Variants in DPP7 observed in about 807,000 individuals in gnomAD.
The protein encoded by DPP7 is dipeptidyl peptidase 2.
In DPP7, 74 loss-of-function variants were observed where a neutral mutation model predicts 58.8. That is an observed-to-expected ratio of 1.26 (90% confidence interval 1.04 to 1.53). The LOEUF (loss-of-function observed/expected upper bound fraction) is 1.53. Among genes scored for constraint, DPP7 ranks in the 40% most tolerant of loss-of-function variants. The probability of loss-of-function intolerance (pLI) is 0.00; values close to 1 mark genes in which losing one functional copy is unlikely to be tolerated. For missense variants in DPP7, 807 were observed against 692.3 expected, an observed-to-expected ratio of 1.17 and a Z score of -1.86; for synonymous variants, 350 against 303.6, an observed-to-expected ratio of 1.15 and a Z score of -1.59.
intron 12 of DPP7, 43 bp downstream of exon 12, chr9:137,110,837 C>T: frequency 6.2e-7 from 1 of 1,602,162 alleles, no homozygotes; most frequent in Non-Finnish European, 8.5e-7. Flanking sequence ...GTGAGCCTGT[C>T]CCGCCCGACC....
chr9:137,113,094 G>A lies in DPP7; in HGVS notation c.729C>T (p.Phe243=), dbSNP rs141137828. Residue 243 remains phenylalanine (F), a synonymous_variant, in exon 7 of 13, where the codon TTC becomes TTT. Transcript: ENST00000371579. ...QGAYDTVRWE[F]GTCQPLSDEK... The stretch of plus-strand genomic sequence containing the variant: ...CGTCTGACAGCGGCTGGCAGGTGCC[G>A]AACTCCCAGCGGACCGTGTCGTAGG... 14 of 1,613,630 alleles carry A rather than the reference G, an allele frequency of 8.7e-6. No homozygotes were observed. Among genetic ancestry groups the A allele is most frequent in the East Asian group, 6.7e-5 (3 of 44,886 alleles).
At chr9:137,111,430 C>T (rs998405545) in intron 11 of DPP7, among the ~76,000 whole-genome samples, 2 of 152,220 alleles carry the variant, frequency 1.3e-5, no homozygotes, top group Non-Finnish European at 2.9e-5. Context: ...CGGGGAAGAT[C>T]GTTTGAGCCC....
In DPP7 at chr9:137,113,056, G is replaced by A. The variant is rs774354079; in HGVS notation, c.767C>T (p.Thr256Ile). 28 of 1,613,808 alleles carry A rather than the reference G, an allele frequency of 1.7e-5. No individual in the cohort carries two copies. The highest frequency in any genetic ancestry group is 2.0e-5 in the Non-Finnish European group (24 of 1,180,036). Residue 256 changes from threonine (T) to isoleucine (I), a missense_variant, in exon 7 of 13, where the codon ACC becomes ATC. Physicochemically the swap from Thr to Ile is moderately conservative, Grantham distance 89 (BLOSUM62 -1). Around this residue, in one of 3 missense-constraint regions of DPP7, gnomAD observed 624 missense variants for 531.2 expected, o/e 1.17. Coordinates refer to ENST00000371579, the MANE Select transcript of DPP7 (RefSeq NM_013379.3). ...ATTCCGGGCGAACATGAAGAGCTGGGTCAGGTCCTTCTCGTCTGACAGCGG... is the reference window on the plus strand; with the variant it reads ...ATTCCGGGCGAACATGAAGAGCTGGATCAGGTCCTTCTCGTCTGACAGCGG... ...CQPLSDEKDL[T>I]QLFMFARNAF...
intron 8 of DPP7, 82 bp downstream of exon 8, chr9:137,112,663 G>A (rs1831429667): frequency 2.7e-6 from 4 of 1,496,018 alleles, no homozygotes; most frequent in South Asian, 1.2e-5. Context: ...CCGGGCTGCG[G>A]ATCCTCGCCC....
chr9:137,110,603 A>C lies in DPP7; in HGVS notation c.*45T>G. 1 of 1,583,096 alleles carries C rather than the reference A, an allele frequency of 6.3e-7. No individual in the cohort carries two copies. ...CCTCTGCCGCCAGCTGCTTGAGTGA[A>C]GCCCCCACTCCATGAGGAGCCTTGA... On this transcript the variant is annotated 3_prime_UTR_variant, in exon 13 of 13. Transcript: ENST00000371579.
rs1442762335 is a variant in DPP7 at position 137,114,476 on chromosome 9, G to T, written c.168C>A (p.Arg56=). ...ERFGNKTFPQ[R]FLVSDRFWVR... Reference sequence around the variant, plus strand: ...CCGGGGTCTCACCCGACACCAGGAAGCGCTGAGGGAAGGTCTTGTTGCCGA... The same window carrying T: ...CCGGGGTCTCACCCGACACCAGGAATCGCTGAGGGAAGGTCTTGTTGCCGA... Residue 56 remains arginine, a synonymous_variant, in exon 2 of 13, where the codon CGC becomes CGA. Coordinates refer to ENST00000371579, the MANE Select transcript of DPP7 (RefSeq NM_013379.3). 6.4e-7 allele frequency: 1 copy of T among 1,574,438 alleles called. No individual in the cohort carries two copies. The highest frequency in any genetic ancestry group is 1.2e-5 in the South Asian group (1 of 86,712).
intron 8 of DPP7, 102 bp downstream of exon 8, chr9:137,112,643 A>G (rs1189609567): frequency 2.2e-5 from 31 of 1,392,766 alleles, no homozygotes; most frequent in East Asian, 7.5e-5. Context: ...GCAGGAGGCA[A>G]AGCCCCTGGC....
In DPP7 at chr9:137,113,130, G is replaced by GC; in HGVS notation, c.704-12_704-11insG. 1 of 1,613,792 alleles carries GC rather than the reference G, an allele frequency of 6.2e-7. No individual in the cohort carries two copies. Among genetic ancestry groups the GC allele is most frequent in the Non-Finnish European group, 8.5e-7 (1 of 1,180,014 alleles). On this transcript the variant is annotated splice_polypyrimidine_tract_variant and intron_variant, in intron 6 of 12. Coordinates refer to ENST00000371579, the MANE Select transcript of DPP7 (RefSeq NM_013379.3). ...GGACCGTGTCGTAGGCTGCGTGGAA[G>GC]GGGCAGAGACTTGAAGTTTGGGCAT...
upstream of DPP7, among the ~76,000 whole-genome samples, chr9:137,116,032 C>T (rs6560659): frequency 0.75 from 114,360 of 152,092 alleles, 43,358 homozygotes; most frequent in Admixed American, 0.8. Context: ...GCTCTGGAGA[C>T]GCCAGCTAGG....
Position 137,113,510 on chromosome 9 carries a change from A to C in DPP7, c.486-14T>G. On this transcript the variant is annotated splice_polypyrimidine_tract_variant and intron_variant, in intron 4 of 12. Coordinates refer to ENST00000371579, the MANE Select transcript of DPP7 (RefSeq NM_013379.3). The stretch of plus-strand genomic sequence containing the variant: ...ATCCCCCCATAACTGGGTGAGGGAC[A>C]CAGGGTTAGGGCTGCTGCCCCCAAC... 6.5e-7 allele frequency: 1 copy of C among 1,546,310 alleles called. No individual in the cohort carries two copies. Among genetic ancestry groups the C allele is most frequent in the Admixed American group, 2.0e-5 (1 of 49,970 alleles).
intron 8 of DPP7, chr9:137,112,508 C>T: frequency 1.5e-6 from 1 of 647,282 alleles, no homozygotes; most frequent in Admixed American, 2.9e-5. Flanking sequence ...CCCAGGGGCC[C>T]CTTGGGCAGC....
Position 137,114,553 on chromosome 9 carries a change from A to G in DPP7, c.91T>C (p.Phe31Leu). Residue 31 changes from phenylalanine to leucine, a missense_variant, in exon 2 of 13, where the codon TTC becomes CTC. Physicochemically the swap from Phe to Leu is conservative, Grantham distance 22. Around this residue, in one of 3 missense-constraint regions of DPP7, gnomAD observed 168 missense variants for 124.1 expected, o/e 1.35. Coordinates refer to ENST00000371579, the MANE Select transcript of DPP7 (RefSeq NM_013379.3). ...AGARRAPDPG[F>L]QERFFQQRLD... ...CGCTGCTGGAAGAAGCGCTCCTGGA[A>G]GCCGGGGTCCGGGGCCCTGCGGGCT... 2 of 1,564,806 alleles carry G rather than the reference A, an allele frequency of 1.3e-6. No homozygotes were observed. Among genetic ancestry groups the G allele is most frequent in the Non-Finnish European group, 1.7e-6 (2 of 1,156,798 alleles).
rs149621119 is a variant in DPP7 at position 137,111,991 on chromosome 9, A to T, written c.1089T>A (p.Asn363Lys). 12 of 1,613,080 alleles carry T rather than the reference A, an allele frequency of 7.4e-6. No individual in the cohort carries two copies. Among genetic ancestry groups the T allele is most frequent in the Non-Finnish European group, 1.0e-5 (12 of 1,179,758 alleles). The change falls in exon 10 of 13, where the codon AAT (asparagine) becomes AAA (lysine). Residue 363 changes from asparagine to lysine, a missense_variant. By Grantham distance (94) the Asn-to-Lys change is moderately conservative. Around this residue, in one of 3 missense-constraint regions of DPP7, gnomAD observed 624 missense variants for 531.2 expected, o/e 1.17. Coordinates refer to ENST00000371579, the MANE Select transcript of DPP7 (RefSeq NM_013379.3). ...GCAGGTCCGGGAACATATCGGTCAC[A>T]TTGTTGCTGGCGAAGGTCAGGTTGA... ...TEINLTFASN[N>K]VTDMFPDLPF...
rs776160808 is a variant in DPP7 at position 137,111,983 on chromosome 9, T to A, written c.1097A>T (p.Asp366Val). The A allele has an allele frequency of 1.3e-5, 21 of 1,612,184 alleles. No individual in the cohort carries two copies. The highest frequency in any genetic ancestry group is 1.8e-5 in the Non-Finnish European group (21 of 1,179,686). The change falls in exon 10 of 13, where the codon GAT (aspartate) becomes GTT (valine). Residue 366 changes from aspartate to valine, a missense_variant. Physicochemically the swap from Asp to Val is radical, Grantham distance 152. Around this residue, in one of 3 missense-constraint regions of DPP7, gnomAD observed 624 missense variants for 531.2 expected, o/e 1.17. Transcript: ENST00000371579. Reference sequence around the variant, plus strand: ...AGTGAAGGGCAGGTCCGGGAACATATCGGTCACATTGTTGCTGGCGAAGGT... The same window carrying A: ...AGTGAAGGGCAGGTCCGGGAACATAACGGTCACATTGTTGCTGGCGAAGGT... The part of the protein sequence containing the change: ...NLTFASNNVT[D>V]MFPDLPFTDE...
At position 137,114,026 on chromosome 9, in the gene DPP7, G is replaced by T. The variant is rs144093486; in HGVS notation, c.324C>A (p.Arg108=). The T allele has an allele frequency of 2.4e-4, 351 of 1,467,896 alleles. No individual in the cohort carries two copies. The highest frequency in any genetic ancestry group is 3.0e-4 in the Non-Finnish European group (330 of 1,101,508). 90.9% of individuals were successfully genotyped at this position (1,467,896 alleles called of 1,614,324 possible). ...RGALLVFAEH[R]YYGKSLPFGA... ...CGAACGGCAGCGACTTCCCGTAGTA[G>T]CGCTGGGGGAACGTGCCATTGAGCC... Residue 108 remains arginine (R), a splice_region_variant and synonymous_variant, in exon 4 of 13, where the codon CGC becomes CGA. Transcript: ENST00000371579.
chr9:137,111,033 A>G, intron 11 of DPP7, 83 bp from the exon 12 acceptor site: 2 of 1,379,562 alleles, frequency 1.4e-6, no homozygotes, highest in Non-Finnish European at 2.0e-6. Context: ...AGGAGACGTG[A>G]GAGGGCGAGC....
upstream of DPP7, among the ~76,000 whole-genome samples, chr9:137,116,649 T>C (rs772593875): frequency 6.6e-6 from 1 of 152,160 alleles, no homozygotes; most frequent in African/African-American, 2.4e-5. Flanking sequence ...AAAGACCTGA[T>C]CGTCCCCCAG....
chr9:137,112,704 G>C, intron 8 of DPP7, 41 bp downstream of exon 8: 2 of 1,574,096 alleles, frequency 1.3e-6, no homozygotes, highest in Non-Finnish European at 1.7e-6. Flanking sequence ...GCCAAGCCTG[G>C]GGTCTCCACA....
rs750189450 is a variant in DPP7, at chr9:137,110,894, G to C, written c.1329C>G (p.His443Gln). Residue 443 changes from histidine (H) to glutamine (Q), a missense_variant, in exon 12 of 13, where the codon CAC (histidine) becomes CAG (glutamine). Transcript: ENST00000371579. ...VIAVTIQGGAHHLDLRASHPE... is the reference protein window; with the variant it reads ...VIAVTIQGGAQHLDLRASHPE... ...TCCCTCCGCACCTGAGGTCGAGGTG[G>C]TGCGCTCCCCCCTGGATGGTGACGG... The C allele has an allele frequency of 1.2e-6, 2 of 1,612,676 alleles. No individual in the cohort carries two copies. Among genetic ancestry groups the C allele is most frequent in the East Asian group, 4.5e-5 (2 of 44,862 alleles).
Sources: gnomAD v4.1 joint callset for allele counts (sites outside exome capture counted in the v4.1 genomes callset) on GRCh38, gnomAD v4.1.1 for gene constraint, gnomAD v4.1.1 regional missense constraint, MANE v1.5 for transcripts, NCBI Gene and HGNC (gene_info 2026-07-23, HGNC 2026-07-21) for gene names.